CRTC3: variants seen among roughly 807,000 people sequenced by gnomAD.
CRTC3 encodes the protein CREB-regulated transcription coactivator 3.
A neutral mutation model predicts 74.5 loss-of-function variants in CRTC3; 26 were observed. The observed-to-expected ratio is 0.35, with a 90% CI of 0.26 to 0.48. CRTC3 has a LOEUF of 0.48. CRTC3 is among the 20% of genes least tolerant of loss of function. CRTC3 has a pLI of 0.99. For missense variants in CRTC3, 760 were observed against 787.3 expected, an observed-to-expected ratio of 0.97 and a Z score of 0.41; for synonymous variants, 377 against 325.8, an observed-to-expected ratio of 1.16 and a Z score of -1.69.
chr15:90,604,314 A>T, intron 4 of CRTC3, 71 bp from the exon 5 acceptor site: 1 of 1,169,660 alleles, frequency 8.5e-7, no homozygotes, highest in Non-Finnish European at 1.3e-6. Context: ...TCTCAAATGC[A>T]AGTGCTGAGG....
chr15:90,629,119 T>C (rs1401594790), intron 10 of CRTC3, 115 bp from the exon 11 acceptor site: 5 of 972,430 alleles, frequency 5.1e-6, no homozygotes. Flanking sequence ...GTCCAGGAGC[T>C]CCTTTACCTA....
At position 90,605,197 on chromosome 15, in the gene CRTC3, T is replaced by C. The variant is rs139186184; in HGVS notation, c.476+750T>C. ...AAGCCCAAGGAGGTTGAGGCTGCAGTGAGCCATGTTTGCGCCATTGCATTC... is the reference window on the plus strand; with the variant it reads ...AAGCCCAAGGAGGTTGAGGCTGCAGCGAGCCATGTTTGCGCCATTGCATTC... On this transcript the variant is annotated intron_variant, in intron 5 of 14. Coordinates refer to ENST00000268184, the MANE Select transcript of CRTC3 (RefSeq NM_022769.5). 2.2e-3 allele frequency among the ~76,000 whole-genome samples: 327 copies of C among 152,030 alleles called. 1 individual carries two copies. In the Middle Eastern group the frequency reaches 0.054, roughly 25 times the overall value.
intron 6 of CRTC3, 100 bp from the exon 7 acceptor site, chr15:90,614,353 A>C: frequency 1.1e-6 from 1 of 870,904 alleles, no homozygotes; most frequent in Non-Finnish European, 1.8e-6. Flanking sequence ...AATTTTCAAA[A>C]TTCTATTTCA....
At chr15:90,538,770 C>G (rs1966758970) in intron 1 of CRTC3, among the ~76,000 whole-genome samples, 1 of 83,846 alleles carries the variant, frequency 1.2e-5, no homozygotes, top group African/African-American at 4.8e-5. Context: ...AACCAAACTT[C>G]ACCTTTTTTT....
At chr15:90,594,733 C>T (rs1280852593) in intron 3 of CRTC3, 2 of 151,992 alleles carry the variant, frequency 1.3e-5, no homozygotes, top group South Asian at 2.1e-4. Flanking sequence ...TTTTAACCCT[C>T]ATTTTCTGAT....
chr15:90,587,849 A>G (rs559375083), intron 2 of CRTC3, among the ~76,000 whole-genome samples: 2 of 152,028 alleles, frequency 1.3e-5, no homozygotes, highest in East Asian at 2.0e-4. Flanking sequence ...TGTGAGCTCA[A>G]ATGATCCACC....
intron 13 of CRTC3, 124 bp from the exon 14 acceptor site, chr15:90,640,973 C>T: frequency 2.9e-6 from 2 of 680,184 alleles, no homozygotes; most frequent in South Asian, 1.7e-5. Context: ...CTCTGGGATC[C>T]TGGAAAGAAG....
chr15:90,581,798 A>G (rs1967547196), intron 2 of CRTC3, among the ~76,000 whole-genome samples: 1 of 152,152 alleles, frequency 6.6e-6, no homozygotes, highest in South Asian at 2.1e-4. Flanking sequence ...GAAGTGTCCT[A>G]CCAAGTTGAA....
intron 3 of CRTC3, 139 bp from the exon 4 acceptor site, chr15:90,602,185 G>A (rs571865686): frequency 1.4e-5 from 9 of 635,208 alleles, no homozygotes; most frequent in Admixed American, 2.9e-5. Context: ...AGGGAGATAA[G>A]AGAAAGCATG....
Position 90,546,813 on chromosome 15 carries a change from C to T in CRTC3, c.231+6676C>T, listed in dbSNP as rs191976250. ...AATTTTTCTGTATTTGTATTAGAGA[C>T]GGGGTTTCACTGTGTTAGCCAGGAT... On this transcript the variant is annotated intron_variant, in intron 2 of 14. Transcript: ENST00000268184. 5.3e-5 allele frequency among the ~76,000 whole-genome samples: 8 copies of T among 152,218 alleles called. 1 individual carries two copies. Among genetic ancestry groups the T allele is most frequent in the Non-Finnish European group, 8.8e-5 (6 of 67,994 alleles).
Position 90,530,910 on chromosome 15 carries a change from A to G in CRTC3, c.132+707A>G, listed in dbSNP as rs979828274. Among the ~76,000 whole-genome samples, 6 of 152,208 alleles carry G rather than the reference A, an allele frequency of 3.9e-5. No homozygotes were observed. The highest frequency in any genetic ancestry group is 7.3e-5 in the Non-Finnish European group (5 of 68,034). ...GCCGGGACAAACACCTGGAGAGGTT[A>G]GGTAACCGCTGAGTGAGGCAGTGGA... On this transcript the variant is annotated intron_variant, in intron 1 of 14. Transcript: ENST00000268184. This position sits in a 1 kb window ranked among gnomAD's most constrained non-coding sequence, Gnocchi z 6.2.
intron 5 of CRTC3, chr15:90,606,649 T>C (rs1023233764): frequency 6.6e-6 from 1 of 152,134 alleles, no homozygotes; most frequent in Non-Finnish European, 1.5e-5. Flanking sequence ...ATATTAGAAA[T>C]TAAACTGAGA....
At chr15:90,576,858 GTT>G (rs1187086690) in intron 2 of CRTC3, among the ~76,000 whole-genome samples, 1 of 19,580 alleles carries the variant, frequency 5.1e-5, no homozygotes, top group East Asian at 3.4e-3. Flanking sequence ...GTCTGTGGGA[GTT>G]GAGGAAGTGG....
chr15:90,577,556 T>A (rs1166361707), intron 2 of CRTC3, among the ~76,000 whole-genome samples: 1 of 152,214 alleles, frequency 6.6e-6, no homozygotes, highest in Non-Finnish European at 1.5e-5. Context: ...AGTTACCATT[T>A]GTGTAAAAAG....
At chr15:90,537,399 GT>G (rs1292228890) in intron 1 of CRTC3, among the ~76,000 whole-genome samples, 1 of 152,052 alleles carries the variant, frequency 6.6e-6, no homozygotes. Flanking sequence ...AGTGCTTTTT[GT>G]TTTTTTAGAG....
At chr15:90,641,850 G>A (rs1969456765) in intron 14 of CRTC3, 82 bp from the exon 15 acceptor site, 4 of 1,171,458 alleles carry the variant, frequency 3.4e-6, no homozygotes, top group Non-Finnish European at 5.1e-6. Context: ...TTAGGGGACT[G>A]TCATCAGCTG....
At chr15:90,637,134 G>A (rs980154650) in intron 11 of CRTC3, among the ~76,000 whole-genome samples, 1 of 152,216 alleles carries the variant, frequency 6.6e-6, no homozygotes, top group South Asian at 2.1e-4. Context: ...ATTCACAATA[G>A]CAAAGACTTG....
chr15:90,536,129 G>C (rs1025380896), intron 1 of CRTC3, among the ~76,000 whole-genome samples: 2 of 152,138 alleles, frequency 1.3e-5, no homozygotes, highest in African/African-American at 4.8e-5. Context: ...ACTCTTTTCT[G>C]TTCCAGTGAT....
chr15:90,538,496 A>G (rs571457677), intron 1 of CRTC3, among the ~76,000 whole-genome samples: 3 of 152,336 alleles, frequency 2.0e-5, no homozygotes, highest in Non-Finnish European at 2.9e-5. Context: ...CCAAACAAGT[A>G]TAAGTCTTTA....
Sources: allele counts gnomAD v4.1 joint callset (sites outside exome capture counted in the v4.1 genomes callset), GRCh38; gene constraint gnomAD v4.1.1; non-coding constraint Gnocchi (gnomAD v3.1); transcripts MANE v1.5; gene names NCBI Gene and HGNC (gene_info 2026-07-23, HGNC 2026-07-21).